Variants in LRP12 observed in about 807,000 individuals in gnomAD.
LRP12 encodes the protein LDL receptor related protein 12.
LRP12 carries 14 observed loss-of-function variants against 66.0 expected under a neutral mutation model. That is an observed-to-expected ratio of 0.21 (90% CI 0.14 to 0.33). The LOEUF (loss-of-function observed/expected upper bound fraction) is 0.33. LRP12 is among the 10% of genes least tolerant of loss of function. The pLI, the probability that LRP12 is intolerant of heterozygous loss-of-function variation, is 1.00. For missense variants in LRP12, 889 were observed against 1,053.4 expected, an observed-to-expected ratio of 0.84 and a Z score of 2.16; for synonymous variants, 357 against 359.1, an observed-to-expected ratio of 0.99 and a Z score of 0.07.
At chr8:104,560,556 CA>C (rs1428581657) in intron 1 of LRP12, among the ~76,000 whole-genome samples, 2 of 152,126 alleles carry the variant, frequency 1.3e-5, no homozygotes, top group African/African-American at 2.4e-5. Flanking sequence ...GCCTTGACAT[CA>C]AAGAATCTTG....
intron 1 of LRP12, among the ~76,000 whole-genome samples, chr8:104,551,088 T>A (rs577206330): frequency 3.9e-5 from 6 of 152,204 alleles, no homozygotes; most frequent in Non-Finnish European, 8.8e-5. Flanking sequence ...TGCCTTTACC[T>A]TGTACTTATA....
At chr8:104,588,372 G>A (rs552080730) in intron 1 of LRP12, among the ~76,000 whole-genome samples, 3 of 152,248 alleles carry the variant, frequency 2.0e-5, no homozygotes, top group East Asian at 3.9e-4. Flanking sequence ...GAATCTCGCC[G>A]GTGAGAGAAC....
chr8:104,565,039 C>A (rs1227077658), intron 1 of LRP12, among the ~76,000 whole-genome samples: 1 of 151,504 alleles, frequency 6.6e-6, no homozygotes, highest in African/African-American at 2.4e-5. Context: ...GATATTAAAA[C>A]CTAAGAGACA....
At chr8:104,559,924 TTTAC>T (rs1196537097) in intron 1 of LRP12, among the ~76,000 whole-genome samples, 6 of 152,200 alleles carry the variant, frequency 3.9e-5, no homozygotes, top group Non-Finnish European at 5.9e-5. Context: ...CAAATTTTAA[TTTAC>T]TTAGTTATTA....
chr8:104,513,662 T>C (rs1195170829), intron 2 of LRP12, among the ~76,000 whole-genome samples: 3 of 152,164 alleles, frequency 2.0e-5, no homozygotes, highest in Non-Finnish European at 4.4e-5. Flanking sequence ...CTACCCAGAC[T>C]TTGTGGACAT....
chr8:104,493,553 G>A (rs1810671646), intron 6 of LRP12, among the ~76,000 whole-genome samples: 1 of 152,160 alleles, frequency 6.6e-6, no homozygotes. Flanking sequence ...CAGTGTCTTT[G>A]CCTGGGGGCC....
intron 1 of LRP12, among the ~76,000 whole-genome samples, chr8:104,554,070 G>A (rs75169715): frequency 0.036 from 5,495 of 152,218 alleles, 177 homozygotes; most frequent in South Asian, 0.076. Flanking sequence ...ACTACGGGAA[G>A]GGAGAGAACA....
intron 1 of LRP12, among the ~76,000 whole-genome samples, chr8:104,548,509 A>G (rs1311228867): frequency 2.4e-4 from 24 of 100,912 alleles, no homozygotes; most frequent in African/African-American, 1.1e-3. Flanking sequence ...ATAATTCTAT[A>G]TTATATTTTG....
chr8:104,516,834 A>C (rs185530909), intron 2 of LRP12, among the ~76,000 whole-genome samples: 1 of 152,224 alleles, frequency 6.6e-6, no homozygotes, highest in African/African-American at 2.4e-5. Flanking sequence ...CTAAAAAATT[A>C]CAGAAAAAGT....
chr8:104,493,313 A>G (rs1810666943), intron 6 of LRP12, among the ~76,000 whole-genome samples: 1 of 152,240 alleles, frequency 6.6e-6, no homozygotes, highest in African/African-American at 2.4e-5. Context: ...ATTTGTTACC[A>G]AAAGCTTCAA....
intron 1 of LRP12, among the ~76,000 whole-genome samples, chr8:104,545,406 T>A (rs1214600934): frequency 6.6e-6 from 1 of 152,170 alleles, no homozygotes; most frequent in Non-Finnish European, 1.5e-5. Context: ...TTGAAAGACA[T>A]TCTACTGTGG....
Position 104,491,290 on chromosome 8 carries a change from T to C in LRP12, c.1963A>G (p.Thr655Ala), listed in dbSNP as rs774082936. The change falls in exon 7 of 7, where the codon ACA (threonine) becomes GCA (alanine). Residue 655 changes from threonine to alanine, a missense_variant. This residue lies in a region of LRP12 where 800 missense variants were observed against 964.5 expected (regional missense o/e 0.83). Transcript: ENST00000276654. ...TCTCTTCTCTCATTTTCTGTGTCTG[T>C]ATCATCAGACTCCACGGAAAACAAA... The part of the protein sequence containing the change: ...RSLFSVESDD[T>A]DTENERRDMA... The C allele has an allele frequency of 2.5e-6, 4 of 1,614,084 alleles. No homozygotes were observed. In the African/African-American group the frequency reaches 4.0e-5, roughly 16 times the overall value.
chr8:104,559,585 C>T (rs34695252), intron 1 of LRP12, among the ~76,000 whole-genome samples: 9,933 of 151,786 alleles, frequency 0.065, 382 homozygotes, highest in South Asian at 0.075. Flanking sequence ...TAACCAAACA[C>T]CATCTGTTCC....
At chr8:104,516,541 A>C (rs530451623) in intron 2 of LRP12, among the ~76,000 whole-genome samples, 17 of 152,228 alleles carry the variant, frequency 1.1e-4, no homozygotes, top group Non-Finnish European at 1.9e-4. Context: ...TCTCATTTAA[A>C]ATATAAAGAT....
rs963763088 is a variant in LRP12 at position 104,497,514 on chromosome 8, A to G, written c.1038T>C (p.Ser346=). 29 of 1,614,004 alleles carry G rather than the reference A, an allele frequency of 1.8e-5. No individual in the cohort carries two copies. Among genetic ancestry groups the G allele is most frequent in the Non-Finnish European group, 2.5e-5 (29 of 1,180,010 alleles). Residue 346 remains serine, a synonymous_variant, in exon 5 of 7, where the codon TCT becomes TCC. Coordinates refer to ENST00000276654, the MANE Select transcript of LRP12 (RefSeq NM_013437.5). This position sits in a 1 kb window ranked among gnomAD's most constrained non-coding sequence, Gnocchi z 4.3. Reference sequence around the variant, plus strand: ...AAAAATGTACCCTTATCTGTCCAGAAGAAGAAACAACTGTAAGAGGTGCAT... The same window carrying G: ...AAAAATGTACCCTTATCTGTCCAGAGGAAGAAACAACTGTAAGAGGTGCAT... ...DSHAPLTVVS[S]SGQIRVHFCA... is the part of the protein sequence containing the mutation.
At chr8:104,548,178 T>TATATAAC (rs1387905526) in intron 1 of LRP12, among the ~76,000 whole-genome samples, 33 of 101,140 alleles carry the variant, frequency 3.3e-4, no homozygotes, top group Non-Finnish European at 4.2e-4. Context: ...TATAATATAA[T>TATATAAC]ATATAATATA....
At chr8:104,548,108 AT>A (rs1811630817) in intron 1 of LRP12, among the ~76,000 whole-genome samples, 1 of 114,138 alleles carries the variant, frequency 8.8e-6, no homozygotes, top group South Asian at 2.5e-4. Context: ...TAATTCTGTT[AT>A]ATTATATTTT....
chr8:104,547,551 T>C (rs1480040250), intron 1 of LRP12, among the ~76,000 whole-genome samples: 1 of 126,838 alleles, frequency 7.9e-6, no homozygotes, highest in African/African-American at 3.0e-5. Flanking sequence ...AATATATAAT[T>C]ACATATTATA....
chr8:104,565,661 C>T (rs1325363970), intron 1 of LRP12, among the ~76,000 whole-genome samples: 2 of 151,992 alleles, frequency 1.3e-5, no homozygotes, highest in Non-Finnish European at 2.9e-5. Context: ...GAGATCAAGA[C>T]CACCCTGGCT....
Sources: allele counts gnomAD v4.1 joint callset (sites outside exome capture counted in the v4.1 genomes callset), GRCh38; gene constraint gnomAD v4.1.1; regional missense constraint gnomAD v4.1.1; non-coding constraint Gnocchi (gnomAD v3.1); transcripts MANE v1.5; gene names NCBI Gene and HGNC (gene_info 2026-07-23, HGNC 2026-07-21).